MALRD1: variants seen among roughly 807,000 people sequenced by gnomAD.
The protein encoded by MALRD1 is MAM and LDL-receptor class A domain-containing protein 1.
In MALRD1, 247 loss-of-function variants were observed where a neutral mutation model predicts 242.1. That is an observed-to-expected ratio of 1.02 (90% confidence interval 0.92 to 1.13). The LOEUF is 1.13. Ranked by LOEUF, MALRD1 falls within the 50% of genes most tolerant of loss-of-function variation. MALRD1 has a pLI of 0.00. For synonymous variants in MALRD1, 995 were observed against 866.6 expected (o/e 1.15, Z -2.60); for missense variants, 2,989 against 2,533.1 (o/e 1.18, Z -3.86).
intron 26 of MALRD1, among the ~76,000 whole-genome samples, chr10:19,380,245 G>C (rs556488211): frequency 6.7e-6 from 1 of 150,150 alleles, no homozygotes; most frequent in Non-Finnish European, 1.5e-5. Context: ...AAAGTGCTAG[G>C]ATTACAGGTG....
At chr10:19,287,531 T>G (rs571344833) in intron 21 of MALRD1, among the ~76,000 whole-genome samples, 1 of 152,112 alleles carries the variant, frequency 6.6e-6, no homozygotes, top group African/African-American at 2.4e-5. Flanking sequence ...ATGTGAAAAT[T>G]AATAGTTTTC....
intron 11 of MALRD1, among the ~76,000 whole-genome samples, chr10:19,152,811 T>C (rs1833991394): frequency 6.6e-6 from 1 of 152,136 alleles, no homozygotes; most frequent in African/African-American, 2.4e-5. Flanking sequence ...CTACTAGATA[T>C]TTTATTTCCT....
Position 19,563,029 on chromosome 10 carries a change from C to CT in MALRD1, c.5479-4465dup, listed in dbSNP as rs200084526. On this transcript the variant is annotated intron_variant, in intron 32 of 39. Coordinates refer to ENST00000454679, the MANE Select transcript of MALRD1 (RefSeq NM_001142308.3). ...AGTTGTTGATTTTCAGTTTATTCAG[C>CT]TTTTTTTTGTGTGTGAAGACTGGAT... Among the ~76,000 whole-genome samples the CT allele has an allele frequency of 2.0e-3, 298 of 151,670 alleles. 1 individual carries two copies. Among genetic ancestry groups the CT allele is most frequent in the Non-Finnish European group, 3.3e-3 (227 of 67,830 alleles).
At chr10:19,586,298 T>C (rs1837397859) in intron 33 of MALRD1, among the ~76,000 whole-genome samples, 3 of 152,156 alleles carry the variant, frequency 2.0e-5, no homozygotes, top group Admixed American at 6.5e-5. Context: ...GGAGGAGAGG[T>C]GCTCTGCTTT....
chr10:19,586,224 C>G (rs1020255533), intron 33 of MALRD1, among the ~76,000 whole-genome samples: 3 of 152,192 alleles, frequency 2.0e-5, no homozygotes, highest in Non-Finnish European at 4.4e-5. Flanking sequence ...CTTCTCTCAG[C>G]TCGTCAAAGT....
intron 18 of MALRD1, among the ~76,000 whole-genome samples, chr10:19,251,884 T>G (rs1412919654): frequency 6.6e-6 from 1 of 151,900 alleles, no homozygotes; most frequent in Non-Finnish European, 1.5e-5. Context: ...GAGATCTGGT[T>G]GTTTAAAAGT....
At chr10:19,059,663 G>A (rs897960050) in intron 1 of MALRD1, among the ~76,000 whole-genome samples, 5 of 151,812 alleles carry the variant, frequency 3.3e-5, no homozygotes, top group Non-Finnish European at 5.9e-5. Context: ...AAGTGCTGGG[G>A]TTATAGGCAT....
At chr10:19,613,982 GA>G (rs1839020858) in intron 35 of MALRD1, among the ~76,000 whole-genome samples, 1 of 151,912 alleles carries the variant, frequency 6.6e-6, no homozygotes, top group South Asian at 2.1e-4. Context: ...ATCACCCTTA[GA>G]ACATCCATCC....
At chr10:19,477,822 C>G (rs1836809209) in intron 29 of MALRD1, among the ~76,000 whole-genome samples, 1 of 152,092 alleles carries the variant, frequency 6.6e-6, no homozygotes, top group Non-Finnish European at 1.5e-5. Context: ...GCTGGTCATC[C>G]CACCGTAATC....
chr10:19,194,649 C>T (rs1836150947), intron 14 of MALRD1, among the ~76,000 whole-genome samples: 1 of 152,106 alleles, frequency 6.6e-6, no homozygotes, highest in African/African-American at 2.4e-5. Flanking sequence ...TGTGTCTTCC[C>T]CATGAGCCTA....
At chr10:19,486,462 A>G (rs909357726) in intron 29 of MALRD1, among the ~76,000 whole-genome samples, 3 of 152,160 alleles carry the variant, frequency 2.0e-5, no homozygotes, top group African/African-American at 7.2e-5. Flanking sequence ...TGTACTTGGA[A>G]TTTCACTAGG....
chr10:19,112,401 G>C (rs1836709615), intron 5 of MALRD1, among the ~76,000 whole-genome samples: 1 of 152,126 alleles, frequency 6.6e-6, no homozygotes, highest in African/African-American at 2.4e-5. Flanking sequence ...ACCTATGGAG[G>C]ATAGGGATAG....
intron 31 of MALRD1, among the ~76,000 whole-genome samples, chr10:19,525,794 C>A (rs1367746539): frequency 6.6e-6 from 1 of 152,034 alleles, no homozygotes; most frequent in East Asian, 1.9e-4. Flanking sequence ...AACACTACAC[C>A]TGGTAGTATT....
intron 25 of MALRD1, among the ~76,000 whole-genome samples, chr10:19,349,981 A>T (rs1216984931): frequency 6.6e-6 from 1 of 152,174 alleles, no homozygotes; most frequent in Non-Finnish European, 1.5e-5. Flanking sequence ...CAAAAAATTA[A>T]TGATGAATGG....
intron 18 of MALRD1, among the ~76,000 whole-genome samples, chr10:19,212,337 T>C (rs146271740): frequency 6.6e-6 from 1 of 152,334 alleles, no homozygotes; most frequent in East Asian, 1.9e-4. Context: ...AATTTTACAC[T>C]ATGCACTTTT....
chr10:19,394,664 C>A (rs1402749795), intron 28 of MALRD1, among the ~76,000 whole-genome samples: 1 of 152,168 alleles, frequency 6.6e-6, no homozygotes, highest in Non-Finnish European at 1.5e-5. Flanking sequence ...CTGCCATAAT[C>A]TGAAAAGATT....
In MALRD1 at chr10:19,238,364, A is replaced by AATATATATTATACATAATATATT. The variant is rs1838521162; in HGVS notation, c.2992-19313_2992-19291dup. Among the ~76,000 whole-genome samples the AATATATATTATACATAATATATT allele has an allele frequency of 1.3e-4, 11 of 85,758 alleles. No homozygotes were observed. The South Asian group carries it at 3.9e-3, about 30-fold the overall frequency. 56.3% of individuals were successfully genotyped at this position (85,758 alleles called of 152,430 possible). On this transcript the variant is annotated intron_variant, in intron 18 of 39. Coordinates refer to ENST00000454679, the MANE Select transcript of MALRD1 (RefSeq NM_001142308.3). Reference sequence around the variant, plus strand: ...ATATTATACATAATATATAATACATAATATATATTATACATAATATATTAT... The same window carrying AATATATATTATACATAATATATT: ...ATATTATACATAATATATAATACATAATATATATTATACATAATATATTATATATATTATACATAATATATTAT...
intron 32 of MALRD1, among the ~76,000 whole-genome samples, chr10:19,558,672 A>C (rs1835830392): frequency 6.6e-6 from 1 of 152,102 alleles, no homozygotes; most frequent in African/African-American, 2.4e-5. Context: ...TATCTTCATG[A>C]GAAATGTTGG....
intron 26 of MALRD1, among the ~76,000 whole-genome samples, chr10:19,367,219 T>A: frequency 6.6e-6 from 1 of 152,092 alleles, no homozygotes; most frequent in Non-Finnish European, 1.5e-5. Flanking sequence ...ACTCCTTCTC[T>A]CTAGCTGTAA....
Sources: allele counts gnomAD v4.1 joint callset (sites outside exome capture counted in the v4.1 genomes callset), GRCh38; gene constraint gnomAD v4.1.1; transcripts MANE v1.5; gene names NCBI Gene and HGNC (gene_info 2026-07-23, HGNC 2026-07-21).